The following ZGRF1 variants were observed in gnomAD, a reference collection of about 807,000 sequenced individuals.
The protein encoded by ZGRF1 is zinc finger GRF-type containing 1.
ZGRF1 carries 196 observed loss-of-function variants against 203.5 expected under a neutral mutation model. The observed-to-expected ratio is 0.96, with a 90% confidence interval of 0.86 to 1.08. The LOEUF (loss-of-function observed/expected upper bound fraction) is 1.08. Ranked by LOEUF, ZGRF1 falls within the 50% of genes least tolerant of loss-of-function variation. ZGRF1 has a pLI of 0.00. For synonymous variants in ZGRF1, 809 were observed against 841.3 expected (o/e 0.96, Z 0.66); for missense variants, 2,326 against 2,416.3 (o/e 0.96, Z 0.78).
At chr4:112,554,627 A>C (rs1475740408) in intron 21 of ZGRF1, 78 bp downstream of exon 21, 4 of 707,750 alleles carry the variant, frequency 5.7e-6, no homozygotes, top group Non-Finnish European at 9.9e-6. Flanking sequence ...TCAAAAATCA[A>C]ACTTAAGGTA....
intron 16 of ZGRF1, among the ~76,000 whole-genome samples, chr4:112,580,723 A>G (rs1272283506): frequency 6.6e-6 from 1 of 152,218 alleles, no homozygotes; most frequent in African/African-American, 2.4e-5. Context: ...CAAAACCACA[A>G]TGAGATACCA....
intron 16 of ZGRF1, among the ~76,000 whole-genome samples, chr4:112,563,874 G>C (rs548266521): frequency 5.9e-5 from 9 of 152,294 alleles, no homozygotes; most frequent in Admixed American, 1.3e-4. Flanking sequence ...AAGGGGCCAA[G>C]GCACTCCCTT....
intron 16 of ZGRF1, among the ~76,000 whole-genome samples, chr4:112,569,778 C>A (rs969699830): frequency 1.3e-5 from 2 of 151,894 alleles, no homozygotes; most frequent in African/African-American, 4.8e-5. Flanking sequence ...CAAGTCACGT[C>A]TTTAAAATTG....
intron 16 of ZGRF1, chr4:112,564,922 C>G: frequency 1.4e-6 from 1 of 713,002 alleles, no homozygotes. Flanking sequence ...CCAACGCCAG[C>G]GCCGCCTGTC....
At chr4:112,636,118 T>G (rs2047620613) in intron 1 of ZGRF1, among the ~76,000 whole-genome samples, 2 of 152,060 alleles carry the variant, frequency 1.3e-5, no homozygotes, top group Non-Finnish European at 2.9e-5. Flanking sequence ...ATGCAAAGAG[T>G]TTTTTCCAAG....
intron 15 of ZGRF1, among the ~76,000 whole-genome samples, chr4:112,582,576 C>G (rs1320898426): frequency 6.6e-6 from 1 of 152,096 alleles, no homozygotes; most frequent in Non-Finnish European, 1.5e-5. Context: ...GTCTCAGCCT[C>G]CCAAGTAGCT....
At chr4:112,541,059 A>C (rs1560724831) in intron 25 of ZGRF1, 33 bp downstream of exon 25, 1 of 1,553,762 alleles carries the variant, frequency 6.4e-7, no homozygotes, top group South Asian at 1.2e-5. Flanking sequence ...AACCTAAACC[A>C]TGTTGACTCT....
At chr4:112,567,220 C>T (rs538240048) in intron 16 of ZGRF1, among the ~76,000 whole-genome samples, 34 of 152,254 alleles carry the variant, frequency 2.2e-4, no homozygotes, top group African/African-American at 8.2e-4. Context: ...CCTCAACTCC[C>T]TGAGCTCCTT....
intron 3 of ZGRF1, among the ~76,000 whole-genome samples, chr4:112,627,695 G>A (rs968175236): frequency 6.6e-5 from 10 of 152,172 alleles, no homozygotes; most frequent in South Asian, 2.1e-4. Flanking sequence ...AGCCGAGATC[G>A]TGCCACTGCA....
At chr4:112,591,173 A>C (rs1367911658) in intron 10 of ZGRF1, among the ~76,000 whole-genome samples, 1 of 152,192 alleles carries the variant, frequency 6.6e-6, no homozygotes, top group Non-Finnish European at 1.5e-5. Context: ...CCAACACTAT[A>C]TATTTTAACT....
At chr4:112,564,298 T>A (rs1431375358) in intron 16 of ZGRF1, among the ~76,000 whole-genome samples, 1 of 152,226 alleles carries the variant, frequency 6.6e-6, no homozygotes, top group Admixed American at 6.5e-5. Flanking sequence ...ATGTGAATCT[T>A]GTGATATTAA....
Position 112,559,852 on chromosome 4 carries a change from T to C in ZGRF1, c.4960+881A>G, listed in dbSNP as rs539183097. 1.1e-4 allele frequency among the ~76,000 whole-genome samples: 17 copies of C among 152,218 alleles called. No homozygotes were observed. In the South Asian group the frequency reaches 2.5e-3, roughly 22 times the overall value. ...CCCCACACTCTTACCCACTAGGCTA[T>C]ATGGAGGTATGATGAAGGCTTGGAT... On this transcript the variant is annotated intron_variant, in intron 19 of 27. Coordinates refer to ENST00000505019, the MANE Select transcript of ZGRF1 (RefSeq NM_018392.5).
chr4:112,620,129 A>G lies in ZGRF1; in HGVS notation c.224T>C (p.Val75Ala), dbSNP rs754100913. ...RYLITVEEVK[V>A]AGAIGIVKQN... ...CTTAACAATACCTATGGCTCCAGCA[A>G]CTTTAACCTCTTCAACTGTGATTAA... is the stretch of plus-strand genomic sequence containing the variant. The change falls in exon 5 of 28, where the codon GTT becomes GCT. Residue 75 changes from valine (V) to alanine (A), a missense_variant. Val to Ala is a moderately conservative substitution (Grantham distance 64). Transcript: ENST00000505019. 2 of 1,613,158 alleles carry G rather than the reference A, an allele frequency of 1.2e-6. No homozygotes were observed. Among genetic ancestry groups the G allele is most frequent in the South Asian group, 1.1e-5 (1 of 90,898 alleles).
At chr4:112,598,526 A>C (rs1018975555) in intron 10 of ZGRF1, among the ~76,000 whole-genome samples, 4 of 152,070 alleles carry the variant, frequency 2.6e-5, no homozygotes, top group African/African-American at 9.7e-5. Context: ...AATATAAAGG[A>C]GGGATTCAGA....
At chr4:112,615,258 T>C (rs1238475699) in intron 6 of ZGRF1, among the ~76,000 whole-genome samples, 2 of 152,106 alleles carry the variant, frequency 1.3e-5, no homozygotes, top group East Asian at 3.9e-4. Context: ...GATGGAGTCT[T>C]GCTCTGTCAC....
chr4:112,553,909 G>C lies in ZGRF1; in HGVS notation c.5272C>G (p.Pro1758Ala). ...TTTCTCACATAGACTCTTTCCGTAG[G>C]AGTCAGGTCTTCTTTCATTAGTGCA... The part of the protein sequence containing the change: ...LHALMKEDLT[P>A]TERVYVRKSI... The change falls in exon 22 of 28, where the codon CCT becomes GCT. Residue 1758 changes from proline to alanine, a missense_variant. Coordinates refer to ENST00000505019, the MANE Select transcript of ZGRF1 (RefSeq NM_018392.5). 6.2e-7 allele frequency: 1 copy of C among 1,613,544 alleles called. No homozygotes were observed. The highest frequency in any genetic ancestry group is 8.5e-7 in the Non-Finnish European group (1 of 1,179,696).
chr4:112,546,298 T>C (rs1004486004), intron 24 of ZGRF1, among the ~76,000 whole-genome samples: 1 of 152,114 alleles, frequency 6.6e-6, no homozygotes, highest in East Asian at 1.9e-4. Flanking sequence ...GAATTTTATC[T>C]TGAAGTGATG....
intron 21 of ZGRF1, 117 bp downstream of exon 21, chr4:112,554,588 C>T (rs1393334852): frequency 3.3e-6 from 2 of 602,678 alleles, no homozygotes; most frequent in Non-Finnish European, 5.9e-6. Flanking sequence ...TCTAAGTTAA[C>T]CAAGTAAAGA....
chr4:112,551,287 T>C (rs1739906341), intron 22 of ZGRF1, among the ~76,000 whole-genome samples: 1 of 152,206 alleles, frequency 6.6e-6, no homozygotes, highest in Non-Finnish European at 1.5e-5. Flanking sequence ...TTTGTGTAAG[T>C]ACACTATGAC....
Sources: gnomAD v4.1 joint callset for allele counts (sites outside exome capture counted in the v4.1 genomes callset) on GRCh38, gnomAD v4.1.1 for gene constraint, MANE v1.5 for transcripts, NCBI Gene and HGNC (gene_info 2026-07-23, HGNC 2026-07-21) for gene names.